The following KCNU1 variants were observed in gnomAD, a reference collection of about 807,000 sequenced individuals.
The protein encoded by KCNU1 is potassium calcium-activated channel subfamily U member 1.
A neutral mutation model predicts 126.8 loss-of-function variants in KCNU1; 93 were observed. That is an observed-to-expected ratio of 0.73 (90% CI 0.62 to 0.87). The LOEUF is 0.87. Among genes scored for constraint, KCNU1 ranks in the 40% least tolerant of loss-of-function variants. The pLI, the probability that KCNU1 is intolerant of heterozygous loss-of-function variation, is 0.00. For missense variants in KCNU1, 1,330 were observed against 1,367.1 expected (o/e 0.97, Z 0.43); for synonymous variants, 523 against 494.2 (o/e 1.06, Z -0.77).
chr8:36,813,627 G>A (rs1349093305), intron 7 of KCNU1, among the ~76,000 whole-genome samples: 1 of 150,082 alleles, frequency 6.7e-6, no homozygotes, highest in South Asian at 2.1e-4. Context: ...GAAAGGTGAA[G>A]ACTCAAAGAA....
chr8:36,908,696 C>T (rs903253809), intron 20 of KCNU1, among the ~76,000 whole-genome samples: 11 of 151,988 alleles, frequency 7.2e-5, no homozygotes, highest in Admixed American at 5.9e-4. Context: ...TTCTTGTATG[C>T]ACTTTGCGTG....
chr8:36,893,150 T>TG (rs1218488704), intron 19 of KCNU1, among the ~76,000 whole-genome samples: 2 of 151,290 alleles, frequency 1.3e-5, no homozygotes, highest in African/African-American at 2.4e-5. Flanking sequence ...TTTTGTTTTT[T>TG]TTTTGTAAAG....
chr8:36,784,717 A>G (rs889673601), intron 1 of KCNU1, 112 bp downstream of exon 1: 1 of 829,628 alleles, frequency 1.2e-6, no homozygotes, highest in Non-Finnish European at 1.9e-6. Context: ...TAACAGAGTC[A>G]GCTTCTATAG....
rs1803723840 is a variant in KCNU1 at position 36,811,747 on chromosome 8, C to T, written c.733-2460C>T. Among the ~76,000 whole-genome samples the T allele has an allele frequency of 2.0e-5, 3 of 151,736 alleles. No homozygotes were observed. The South Asian group carries it at 6.3e-4, about 32-fold the overall frequency. Reference sequence around the variant, plus strand: ...AGGGGTTCGAGACCAGCCTGGCCAACATGGCGAAACCTCATCTCTACTAAA... The same window carrying T: ...AGGGGTTCGAGACCAGCCTGGCCAATATGGCGAAACCTCATCTCTACTAAA... On this transcript the variant is annotated intron_variant, in intron 7 of 26. Coordinates refer to ENST00000399881, the MANE Select transcript of KCNU1 (RefSeq NM_001031836.3).
At position 36,798,113 on chromosome 8, in the gene KCNU1, T is replaced by G. The variant is rs1033819804; in HGVS notation, c.316-5914T>G. ...ACTTGGTTCTTGTTTCCATTTTTTT[T>G]TCTTCCAACACTGCCACAAGCAGCT... On this transcript the variant is annotated intron_variant, in intron 2 of 26. Transcript: ENST00000399881. 2.4e-4 allele frequency among the ~76,000 whole-genome samples: 37 copies of G among 152,316 alleles called. 1 individual carries two copies. The highest frequency in any genetic ancestry group is 8.7e-4 in the African/African-American group (36 of 41,574).
At chr8:36,905,913 T>C in intron 20 of KCNU1, 109 bp downstream of exon 20, 1 of 592,388 alleles carries the variant, frequency 1.7e-6, no homozygotes, top group Non-Finnish European at 3.0e-6. Context: ...AAACTGTGAA[T>C]TTGTCAAAAA....
chr8:36,917,378 C>A (rs1489095415), intron 22 of KCNU1, among the ~76,000 whole-genome samples: 1 of 148,988 alleles, frequency 6.7e-6, no homozygotes, highest in Admixed American at 6.7e-5. Context: ...AAGCTAGGAT[C>A]TCGGTCTGTC....
intron 24 of KCNU1, among the ~76,000 whole-genome samples, chr8:36,925,791 C>G (rs148112691): frequency 6.6e-6 from 1 of 152,130 alleles, no homozygotes; most frequent in Non-Finnish European, 1.5e-5. Context: ...GAGTCACTAC[C>G]GCAGCTCCTG....
intron 19 of KCNU1, among the ~76,000 whole-genome samples, chr8:36,901,239 A>C (rs1807406062): frequency 6.6e-6 from 1 of 152,120 alleles, no homozygotes; most frequent in African/African-American, 2.4e-5. Context: ...TGCCTCCTGA[A>C]CTAGCACAGT....
rs774818768 is a variant in KCNU1, at chr8:36,836,325, C to T, written c.1325C>T (p.Thr442Ile). ...RVLSIKNYDS[T>I]TRIIIQILQS... is the part of the protein sequence containing the mutation. ...CTCTCTATCAAGAACTATGATTCTACCACCAGAATCATCATACAGATACTG... is the reference window on the plus strand; with the variant it reads ...CTCTCTATCAAGAACTATGATTCTATCACCAGAATCATCATACAGATACTG... Residue 442 changes from threonine to isoleucine, a missense_variant, in exon 13 of 27, where the codon ACC becomes ATC. Coordinates refer to ENST00000399881, the MANE Select transcript of KCNU1 (RefSeq NM_001031836.3). The T allele has an allele frequency of 1.9e-6, 3 of 1,607,032 alleles. No homozygotes were observed. The highest frequency in any genetic ancestry group is 2.2e-5 in the South Asian group (2 of 90,952).
chr8:36,889,077 C>A (rs1187480198), intron 19 of KCNU1: 2 of 525,790 alleles, frequency 3.8e-6, no homozygotes, highest in Non-Finnish European at 7.8e-6. Flanking sequence ...CAGGGTTTCA[C>A]CATGTTGGCC....
intron 19 of KCNU1, among the ~76,000 whole-genome samples, chr8:36,877,304 TG>T (rs1806310482): frequency 6.6e-6 from 1 of 150,634 alleles, no homozygotes; most frequent in South Asian, 2.1e-4. Context: ...GTTTTTCCTC[TG>T]TTTTTTTTTT....
chr8:36,807,339 G>T, intron 5 of KCNU1, 36 bp from the exon 6 acceptor site: 1 of 1,513,542 alleles, frequency 6.6e-7, no homozygotes, highest in South Asian at 1.1e-5. Flanking sequence ...GTGACCCTCT[G>T]ATTTTGGCAG....
intron 18 of KCNU1, among the ~76,000 whole-genome samples, chr8:36,851,963 G>T (rs908615045): frequency 6.6e-6 from 1 of 152,022 alleles, no homozygotes; most frequent in African/African-American, 2.4e-5. Context: ...CTGACCATAG[G>T]GGGAAGGCAT....
chr8:36,927,900 G>C (rs950061904), intron 24 of KCNU1, among the ~76,000 whole-genome samples: 1 of 149,446 alleles, frequency 6.7e-6, no homozygotes, highest in Non-Finnish European at 1.5e-5. Context: ...AAGAGGGATG[G>C]AGAGAGAGAA....
At chr8:36,885,590 C>G (rs1456793132) in intron 19 of KCNU1, among the ~76,000 whole-genome samples, 1 of 151,754 alleles carries the variant, frequency 6.6e-6, no homozygotes, top group African/African-American at 2.4e-5. Context: ...GTCAGGAGTT[C>G]GAGACCAGCC....
chr8:36,901,200 T>G (rs2117488412), intron 19 of KCNU1, among the ~76,000 whole-genome samples: 1 of 152,232 alleles, frequency 6.6e-6, no homozygotes, highest in Non-Finnish European at 1.5e-5. Context: ...GAGAAAATAA[T>G]GATGACAAAT....
chr8:36,816,528 G>A (rs778968226), intron 9 of KCNU1, among the ~76,000 whole-genome samples: 19 of 152,182 alleles, frequency 1.2e-4, no homozygotes, highest in South Asian at 1.2e-3. Context: ...ATGATGAAAT[G>A]AACAAAAGAT....
At chr8:36,888,339 A>G (rs192546811) in intron 19 of KCNU1, 7 of 309,162 alleles carry the variant, frequency 2.3e-5, no homozygotes, top group Admixed American at 1.4e-4. Flanking sequence ...TTGGCTCACC[A>G]GTAGACTGGA....
Sources: allele counts gnomAD v4.1 joint callset (sites outside exome capture counted in the v4.1 genomes callset), GRCh38; gene constraint gnomAD v4.1.1; transcripts MANE v1.5; gene names NCBI Gene and HGNC (gene_info 2026-07-23, HGNC 2026-07-21).